ARHGAP17: variants seen among roughly 807,000 people sequenced by gnomAD.
ARHGAP17 encodes Rho GTPase activating protein 17, also known as rho GTPase-activating protein 17.
ARHGAP17 carries 57 observed loss-of-function variants against 99.5 expected under a neutral mutation model. The observed-to-expected ratio is 0.57, with a 90% CI of 0.46 to 0.71. The LOEUF is 0.71. ARHGAP17 is among the 30% of genes least tolerant of loss of function. The probability of loss-of-function intolerance (pLI) is 0.00; values close to 1 mark genes in which losing one functional copy is unlikely to be tolerated. For synonymous variants in ARHGAP17, 417 were observed against 429.6 expected (o/e 0.97, Z 0.36); for missense variants, 1,000 against 1,122.4 (o/e 0.89, Z 1.56).
chr16:24,923,840 T>C (rs1249374067), intron 19 of ARHGAP17, among the ~76,000 whole-genome samples: 1 of 151,954 alleles, frequency 6.6e-6, no homozygotes, highest in Non-Finnish European at 1.5e-5. Context: ...CTGACAAATG[T>C]AACCCAGGTT....
rs372116214 is a variant in ARHGAP17 at position 24,968,422 on chromosome 16, C to T, written c.390G>A (p.Glu130=). 1 of 1,614,196 alleles carries T rather than the reference C, an allele frequency of 6.2e-7. No homozygotes were observed. Among genetic ancestry groups the T allele is most frequent in the African/African-American group, 1.3e-5 (1 of 75,046 alleles). ...VDPLYGIAEV[E]IPNIQKQRKQ... ...TCCTCTGCTTCTGGATGTTGGGAATCTCCACCTAAAAATAAGAACATACCA... is the reference window on the plus strand; with the variant it reads ...TCCTCTGCTTCTGGATGTTGGGAATTTCCACCTAAAAATAAGAACATACCA... The change falls in exon 6 of 20, where the codon GAG becomes GAA. Residue 130 remains glutamate, a synonymous_variant. Transcript: ENST00000289968.
chr16:25,000,819 G>A (rs1189676502), intron 1 of ARHGAP17, among the ~76,000 whole-genome samples: 2 of 152,036 alleles, frequency 1.3e-5, no homozygotes, highest in African/African-American at 4.8e-5. Flanking sequence ...CCATATAGTT[G>A]GACTACTACA....
Position 24,920,008 on chromosome 16 carries a change from T to C in ARHGAP17, c.*122A>G, listed in dbSNP as rs1255586110. 8.4e-6 allele frequency: 12 copies of C among 1,428,790 alleles called. No individual in the cohort carries two copies. Among genetic ancestry groups the C allele is most frequent in the Non-Finnish European group, 1.0e-5 (11 of 1,049,194 alleles). The allele number at this position is 1,428,790 out of a possible 1,614,324, so 88.5% of individuals were successfully genotyped here. The stretch of plus-strand genomic sequence containing the variant: ...GTGCAGAAGGCCAGGTCCCGCACAG[T>C]GAGGCCCTCCTTTGTCCTCCACTGA... On this transcript the variant is annotated 3_prime_UTR_variant, in exon 20 of 20. Transcript: ENST00000289968.
At chr16:24,946,931 CTG>C (rs1273496842) in intron 14 of ARHGAP17, among the ~76,000 whole-genome samples, 2 of 152,218 alleles carry the variant, frequency 1.3e-5, no homozygotes, top group Non-Finnish European at 2.9e-5. Flanking sequence ...AGACATGACA[CTG>C]ATGCTTCAAA....
At chr16:24,961,876 T>C (rs1018924145) in intron 7 of ARHGAP17, among the ~76,000 whole-genome samples, 2 of 144,840 alleles carry the variant, frequency 1.4e-5, no homozygotes, top group African/African-American at 5.3e-5. Flanking sequence ...TAGGTACGTA[T>C]TTCCAATCTT....
rs115999010 is a variant in ARHGAP17, at chr16:24,968,500, C to G, written c.385-73G>C. The G allele has an allele frequency of 3.8e-6, 6 of 1,578,046 alleles. No individual in the cohort carries two copies. In the African/African-American group the frequency reaches 8.1e-5, roughly 21 times the overall value. ...TTAACCATTTTAAAGTATTTACAAACGTTTTTTCTCTAAGGCAAAGGATTT... is the reference window on the plus strand; with the variant it reads ...TTAACCATTTTAAAGTATTTACAAAGGTTTTTTCTCTAAGGCAAAGGATTT... On this transcript the variant is annotated intron_variant, in intron 5 of 19. Coordinates refer to ENST00000289968, the MANE Select transcript of ARHGAP17 (RefSeq NM_001006634.3).
chr16:24,927,069 G>A lies in ARHGAP17; in HGVS notation c.2515+3715C>T, dbSNP rs143982018. On this transcript the variant is annotated intron_variant, in intron 19 of 19. Coordinates refer to ENST00000289968, the MANE Select transcript of ARHGAP17 (RefSeq NM_001006634.3). ...CCGGATCACCTAAGGTCAGGAGTTC[G>A]AGACCAGCCTGGCCAACATGGTGAA... 6.1e-3 allele frequency among the ~76,000 whole-genome samples: 927 copies of A among 152,178 alleles called. 13 individuals carry two copies. Among genetic ancestry groups the A allele is most frequent in the African/African-American group, 0.021 (875 of 41,524 alleles).
chr16:24,947,358 G>A, intron 14 of ARHGAP17, 124 bp downstream of exon 14: 1 of 891,654 alleles, frequency 1.1e-6, no homozygotes, highest in Non-Finnish European at 1.7e-6. Flanking sequence ...GGCTGAATGA[G>A]AAAACCAACT....
intron 15 of ARHGAP17, among the ~76,000 whole-genome samples, chr16:24,943,067 G>A (rs1354927996): frequency 1.3e-5 from 2 of 152,194 alleles, no homozygotes; most frequent in Non-Finnish European, 2.9e-5. Context: ...TGCTCTGGGG[G>A]AAGTAGGTGT....
Position 24,949,434 on chromosome 16 carries a change from T to C in ARHGAP17, c.1097A>G (p.Lys366Arg), listed in dbSNP as rs1419796087. The change falls in exon 13 of 20, where the codon AAG becomes AGG. Residue 366 changes from lysine to arginine, a missense_variant. By Grantham distance (26) the Lys-to-Arg change is conservative. Coordinates refer to ENST00000289968, the MANE Select transcript of ARHGAP17 (RefSeq NM_001006634.3). ...KLQDLWRTCQ[K>R]LPPQNFVNFR... ...GTTAACAAAATTTTGTGGTGGCAACTTCTGACATGTTCTCCACAAGTCTTG... is the reference window on the plus strand; with the variant it reads ...GTTAACAAAATTTTGTGGTGGCAACCTCTGACATGTTCTCCACAAGTCTTG... The C allele has an allele frequency of 1.2e-6, 2 of 1,613,950 alleles. No homozygotes were observed. Among genetic ancestry groups the C allele is most frequent in the Admixed American group, 3.3e-5 (2 of 60,004 alleles).
At chr16:25,001,222 G>C (rs146917841) in intron 1 of ARHGAP17, among the ~76,000 whole-genome samples, 35 of 152,122 alleles carry the variant, frequency 2.3e-4, no homozygotes, top group African/African-American at 8.2e-4. Context: ...AAAATGATCA[G>C]TTGCATAGTT....
intron 1 of ARHGAP17, among the ~76,000 whole-genome samples, chr16:25,002,036 G>A (rs1021127156): frequency 2.7e-5 from 4 of 150,828 alleles, no homozygotes; most frequent in African/African-American, 9.8e-5. Context: ...AACCAAGATC[G>A]CACCACTGCA....
intron 3 of ARHGAP17, among the ~76,000 whole-genome samples, chr16:24,973,581 C>T (rs1004651292): frequency 2.6e-5 from 4 of 152,220 alleles, no homozygotes; most frequent in African/African-American, 9.6e-5. Context: ...ATATTCCCAC[C>T]ACCTGCCACT....
chr16:24,953,168 C>T, intron 10 of ARHGAP17, 126 bp from the exon 11 acceptor site: 3 of 823,440 alleles, frequency 3.6e-6, no homozygotes, highest in Admixed American at 4.5e-5. Context: ...GTGTTACTGC[C>T]TGCCCTGCAG....
intron 19 of ARHGAP17, among the ~76,000 whole-genome samples, chr16:24,921,862 G>A (rs1271386929): frequency 6.6e-6 from 1 of 152,240 alleles, no homozygotes; most frequent in Non-Finnish European, 1.5e-5. Context: ...TGCAGCCAAA[G>A]GTGGTCTGTA....
chr16:25,015,149 G>GCCCTC lies in ARHGAP17; in HGVS notation c.53+59_53+60insGAGGG, dbSNP rs59635843. ...ACCGCGGAGGAGCCGTCCCGCCCCC[G>GCCCTC]CGCCCTCCGCCCTCCGCCCCCAGCC... On this transcript the variant is annotated intron_variant, in intron 1 of 19. Transcript: ENST00000289968. The GCCCTC allele has an allele frequency of 5.8e-3, 4,802 of 824,082 alleles. 158 individuals are homozygous for GCCCTC. In the African/African-American group the frequency reaches 0.072, roughly 12 times the overall value. 51.0% of individuals were successfully genotyped at this position (824,082 alleles called of 1,614,324 possible). A position where few individuals can be genotyped will look rare whatever the true frequency, so the allele number is the denominator to read the frequency against.
intron 3 of ARHGAP17, among the ~76,000 whole-genome samples, chr16:24,975,338 A>T (rs1469122611): frequency 6.6e-6 from 1 of 152,214 alleles, no homozygotes; most frequent in Non-Finnish European, 1.5e-5. Flanking sequence ...TAAACACATC[A>T]GTTAGAAGCC....
rs1054734387 is a variant in ARHGAP17, at chr16:24,949,323, G to C, written c.1127+81C>G. On this transcript the variant is annotated intron_variant, in intron 13 of 19. Coordinates refer to ENST00000289968, the MANE Select transcript of ARHGAP17 (RefSeq NM_001006634.3). ...TTGTTGTTGTTTTTTAATGTGCCAA[G>C]TATGCCTGAATTAAATGACTTCTCT... 5.4e-6 allele frequency: 6 copies of C among 1,104,304 alleles called. No homozygotes were observed. The African/African-American group carries it at 9.5e-5, about 18-fold the overall frequency. 68.4% of individuals were successfully genotyped at this position (1,104,304 alleles called of 1,614,324 possible).
intron 1 of ARHGAP17, among the ~76,000 whole-genome samples, chr16:24,981,166 A>G (rs1331821029): frequency 6.6e-6 from 1 of 152,212 alleles, no homozygotes; most frequent in African/African-American, 2.4e-5. Flanking sequence ...CAGTAACCTC[A>G]CACTGGTACT....
Sources: allele counts gnomAD v4.1 joint callset (sites outside exome capture counted in the v4.1 genomes callset), GRCh38; gene constraint gnomAD v4.1.1; transcripts MANE v1.5; gene names NCBI Gene and HGNC (gene_info 2026-07-23, HGNC 2026-07-21).